The following OR2V2 variants were observed in gnomAD, a reference collection of about 807,000 sequenced individuals.
OR2V2 encodes olfactory receptor family 2 subfamily V member 2.
For synonymous variants in OR2V2, 161 were observed against 151.3 expected, an observed-to-expected ratio of 1.06 and a Z score of -0.47; for missense variants, 392 against 392.2, an observed-to-expected ratio of 1.00 and a Z score of 0.00.
rs1410982668 is a variant in OR2V2, at chr5:181,158,658, A to G, written c.*2768A>G. ...AAATAAGTAAATAAATAAATAAACA[A>G]AAAATAAAAAGAAAACATGTGAAAG... On this transcript the variant is annotated 3_prime_UTR_variant, in exon 2 of 2. Coordinates refer to ENST00000641492, the MANE Select transcript of OR2V2 (RefSeq NM_206880.2). 1 of 152,216 alleles carries G rather than the reference A, an allele frequency of 6.6e-6. No homozygotes were observed. The highest frequency in any genetic ancestry group is 2.4e-5 in the African/African-American group (1 of 41,456). 9.4% of individuals were successfully genotyped at this position (152,216 alleles called of 1,614,324 possible).
Position 181,156,332 on chromosome 5 carries a change from G to T in OR2V2, c.*442G>T, listed in dbSNP as rs1763267355. 3 of 157,380 alleles carry T rather than the reference G, an allele frequency of 1.9e-5. No individual in the cohort carries two copies. The highest frequency in any genetic ancestry group is 1.9e-4 in the South Asian group (1 of 5,236). 9.7% of individuals were successfully genotyped at this position (157,380 alleles called of 1,614,324 possible). A position where few individuals can be genotyped will look rare whatever the true frequency, so the allele number is the denominator to read the frequency against. ...AATGTTTTACTATGTTGCCCAGGCT[G>T]GTCTCGAACTCCTGGACTCAAGCAA... is the stretch of plus-strand genomic sequence containing the variant. On this transcript the variant is annotated 3_prime_UTR_variant, in exon 2 of 2. Coordinates refer to ENST00000641492, the MANE Select transcript of OR2V2 (RefSeq NM_206880.2).
rs1763249761 is a variant in OR2V2, at chr5:181,155,405, A to C, written c.463A>C (p.Ile155Leu). 1.2e-6 allele frequency: 2 copies of C among 1,614,098 alleles called. No homozygotes were observed. Among genetic ancestry groups the C allele is most frequent in the Admixed American group, 1.7e-5 (1 of 59,996 alleles). Residue 155 changes from isoleucine to leucine, a missense_variant, in exon 2 of 2, where the codon ATC becomes CTC. Coordinates refer to ENST00000641492, the MANE Select transcript of OR2V2 (RefSeq NM_206880.2). ...ITGSSWAFGIIDGLIQMVVVM... is the reference protein window; with the variant it reads ...ITGSSWAFGILDGLIQMVVVM... ...TGGGAGCTCCTGGGCCTTTGGGATAATCGATGGCTTGATCCAGATGGTGGT... is the reference window on the plus strand; with the variant it reads ...TGGGAGCTCCTGGGCCTTTGGGATACTCGATGGCTTGATCCAGATGGTGGT...
intron 1 of OR2V2, among the ~76,000 whole-genome samples, chr5:181,148,658 C>T (rs1186945535): frequency 1.3e-5 from 2 of 152,116 alleles, no homozygotes; most frequent in African/African-American, 2.4e-5. Context: ...CCAGACGTGC[C>T]GGGGAACATG....
chr5:181,150,345 C>T (rs1279801186), intron 1 of OR2V2, among the ~76,000 whole-genome samples: 3 of 152,128 alleles, frequency 2.0e-5, no homozygotes, highest in Non-Finnish European at 4.4e-5. Context: ...GAGAAAAGTA[C>T]CTGAATACAC....
chr5:181,150,427 C>T (rs1282555150), intron 1 of OR2V2, among the ~76,000 whole-genome samples: 1 of 152,216 alleles, frequency 6.6e-6, no homozygotes, highest in Admixed American at 6.5e-5. Context: ...CGCTGGCAGT[C>T]ACAGTTCTGC....
intron 1 of OR2V2, among the ~76,000 whole-genome samples, chr5:181,150,408 G>A (rs1232355313): frequency 2.0e-5 from 3 of 152,184 alleles, no homozygotes; most frequent in African/African-American, 7.2e-5. Context: ...TTTGTAAACT[G>A]AAGACATGCG....
At chr5:181,153,283 G>GTTTTT (rs1763214780) in intron 1 of OR2V2, among the ~76,000 whole-genome samples, 1 of 152,158 alleles carries the variant, frequency 6.6e-6, no homozygotes, top group Admixed American at 6.5e-5. Flanking sequence ...ATATTCTACC[G>GTTTTT]TCAAGGATGC....
Position 181,155,946 on chromosome 5 carries a change from T to C in OR2V2, c.*56T>C, listed in dbSNP as rs1582197876. On this transcript the variant is annotated 3_prime_UTR_variant, in exon 2 of 2. Transcript: ENST00000641492. ...TCTCTTAGCTCCAGGGATGTCGGGT[T>C]AATAATTCTCTCATTTTCAGTCTTG... 3.4e-6 allele frequency: 5 copies of C among 1,471,784 alleles called. No individual in the cohort carries two copies. The East Asian group carries it at 1.2e-4, about 34-fold the overall frequency. The allele number at this position is 1,471,784 out of a possible 1,614,324, so 91.2% of individuals were successfully genotyped here.
intron 1 of OR2V2, among the ~76,000 whole-genome samples, chr5:181,153,073 G>A (rs1323925732): frequency 6.6e-6 from 1 of 152,160 alleles, no homozygotes; most frequent in African/African-American, 2.4e-5. Context: ...TGGCTAAAGG[G>A]ACAAACAAAT....
intron 1 of OR2V2, among the ~76,000 whole-genome samples, chr5:181,149,138 TA>T (rs1359907593): frequency 1.3e-5 from 2 of 152,108 alleles, no homozygotes; most frequent in African/African-American, 2.4e-5. Flanking sequence ...AGAGAGGACT[TA>T]GGAGGCAAGT....
rs79930856 is a variant in OR2V2 at position 181,156,075 on chromosome 5, G to C, written c.*185G>C. 1.0e-4 allele frequency: 20 copies of C among 190,810 alleles called. No homozygotes were observed. Among genetic ancestry groups the C allele is most frequent in the Non-Finnish European group, 1.6e-4 (20 of 123,324 alleles). The allele number at this position is 190,810 out of a possible 1,614,324, so 11.8% of individuals were successfully genotyped here. ...CTTTCTTTCTTTCTTTCTTTCTTTT[G>C]TTCTTTCTTTCGTTCTTTCTTTCTC... On this transcript the variant is annotated 3_prime_UTR_variant, in exon 2 of 2. Transcript: ENST00000641492.
At position 181,147,694 on chromosome 5, in the gene OR2V2, TC is replaced by T. The variant is rs1480590093; in HGVS notation, c.-324del. 1.8e-4 allele frequency: 57 copies of T among 310,126 alleles called. No homozygotes were observed. The highest frequency in any genetic ancestry group is 1.2e-3 in the African/African-American group (53 of 44,188). The allele number at this position is 310,126 out of a possible 1,614,324, so 19.2% of individuals were successfully genotyped here. Reference sequence around the variant, plus strand: ...GTGGGCTCAGGGCACTGCTCCTGGCTCCACCTCTCCTGCCAGCACCAGCTCC... The same window carrying T: ...GTGGGCTCAGGGCACTGCTCCTGGCTCACCTCTCCTGCCAGCACCAGCTCC... On this transcript the variant is annotated 5_prime_UTR_variant, in exon 1 of 2. The change abolishes the stop of an existing upstream ORF in the 5' untranslated region. Transcript: ENST00000641492.
chr5:181,155,908 C>T lies in OR2V2; in HGVS notation c.*18C>T, dbSNP rs1260473448. 3 of 1,592,034 alleles carry T rather than the reference C, an allele frequency of 1.9e-6. No individual in the cohort carries two copies. The African/African-American group carries it at 4.0e-5, about 21-fold the overall frequency. ...AGCACTGAACCCAGGGCATCCAGTG[C>T]CTGGCTCTGCCATCTCTTAGCTCCA... On this transcript the variant is annotated 3_prime_UTR_variant, in exon 2 of 2. Coordinates refer to ENST00000641492, the MANE Select transcript of OR2V2 (RefSeq NM_206880.2).
intron 1 of OR2V2, among the ~76,000 whole-genome samples, chr5:181,149,586 C>G (rs1763168000): frequency 6.6e-6 from 1 of 152,188 alleles, no homozygotes; most frequent in African/African-American, 2.4e-5. Flanking sequence ...TCTGCAGAAC[C>G]TGTCCTGGAA....
At position 181,156,211 on chromosome 5, in the gene OR2V2, A is replaced by G. The variant is rs762836451; in HGVS notation, c.*321A>G. On this transcript the variant is annotated 3_prime_UTR_variant, in exon 2 of 2. Transcript: ENST00000641492. ...AGCCTTGATCTCCTGGGCTCAGGTG[A>G]GTCTCCAACTCAGCCTCCTGAGTAG... 3.1e-5 allele frequency: 8 copies of G among 255,050 alleles called. No homozygotes were observed. Among genetic ancestry groups the G allele is most frequent in the Non-Finnish European group, 5.2e-5 (7 of 134,968 alleles). The allele number at this position is 255,050 out of a possible 1,614,324, so 15.8% of individuals were successfully genotyped here.
chr5:181,155,632 C>T lies in OR2V2; in HGVS notation c.690C>T (p.His230=), dbSNP rs774819263. 1.2e-5 allele frequency: 19 copies of T among 1,614,186 alleles called. No individual in the cohort carries two copies. Among genetic ancestry groups the T allele is most frequent in the Non-Finnish European group, 1.6e-5 (19 of 1,180,026 alleles). Reference sequence around the variant, plus strand: ...TTCTAGGGACTGTGCTGCAAATGCACTCTGCTCAGGCCTGGAAAAAGGCCC... The same window carrying T: ...TTCTAGGGACTGTGCTGCAAATGCATTCTGCTCAGGCCTGGAAAAAGGCCC... ...AHILGTVLQM[H]SAQAWKKALA... Residue 230 remains histidine, a synonymous_variant, in exon 2 of 2, where the codon CAC becomes CAT. Transcript: ENST00000641492.
At position 181,157,810 on chromosome 5, in the gene OR2V2, A is replaced by T. The variant is rs1315119157; in HGVS notation, c.*1920A>T. ...AGCATCCCTGATTAACCTCATGCCCACTCAGATTTCTCTGGGATTTTGCAC... is the reference window on the plus strand; with the variant it reads ...AGCATCCCTGATTAACCTCATGCCCTCTCAGATTTCTCTGGGATTTTGCAC... On this transcript the variant is annotated 3_prime_UTR_variant, in exon 2 of 2. Coordinates refer to ENST00000641492, the MANE Select transcript of OR2V2 (RefSeq NM_206880.2). 1 of 152,108 alleles carries T rather than the reference A, an allele frequency of 6.6e-6. No homozygotes were observed. Among genetic ancestry groups the T allele is most frequent in the Non-Finnish European group, 1.5e-5 (1 of 68,010 alleles). The allele number at this position is 152,108 out of a possible 1,614,324, so 9.4% of individuals were successfully genotyped here.
Position 181,156,083 on chromosome 5 carries a change from T to A in OR2V2, c.*193T>A, listed in dbSNP as rs982824091. The A allele has an allele frequency of 1.8e-6, 1 of 545,342 alleles. No homozygotes were observed. Among genetic ancestry groups the A allele is most frequent in the African/African-American group, 1.9e-5 (1 of 52,310 alleles). 33.8% of individuals were successfully genotyped at this position (545,342 alleles called of 1,614,324 possible). On this transcript the variant is annotated 3_prime_UTR_variant, in exon 2 of 2. Transcript: ENST00000641492. ...CTTTCTTTCTTTCTTTTGTTCTTTC[T>A]TTCGTTCTTTCTTTCTCTTCCTCTT...
At chr5:181,150,516 CT>C (rs1763178992) in intron 1 of OR2V2, among the ~76,000 whole-genome samples, 1 of 152,182 alleles carries the variant, frequency 6.6e-6, no homozygotes, top group African/African-American at 2.4e-5. Context: ...AAATCCTCTG[CT>C]TTCGGAACAT....
Sources: gnomAD v4.1 joint callset for allele counts (sites outside exome capture counted in the v4.1 genomes callset) on GRCh38, gnomAD v4.1.1 for gene constraint, MANE v1.5 for transcripts, NCBI Gene and HGNC (gene_info 2026-07-23, HGNC 2026-07-21) for gene names.